The following ASPRV1 variants were observed in gnomAD, a reference collection of about 807,000 sequenced individuals.
The protein encoded by ASPRV1 is aspartic peptidase retroviral like 1.
In ASPRV1, 7 loss-of-function variants were observed where a neutral mutation model predicts 11.0. That is an observed-to-expected ratio of 0.64 (90% CI 0.36 to 1.20). The LOEUF is 1.20. ASPRV1 is among the 50% of genes most tolerant of loss of function. The pLI is 0.02. For synonymous variants in ASPRV1, 136 were observed against 138.4 expected, an observed-to-expected ratio of 0.98 and a Z score of 0.12; for missense variants, 299 against 320.0, an observed-to-expected ratio of 0.93 and a Z score of 0.50.
the ASPRV1 span, chr2:69,996,593 C>T: frequency 2.5e-6 from 1 of 407,968 alleles, no homozygotes. Context: ...TTCATTCCTT[C>T]AGGAATGCAA....
At chr2:70,086,519 C>T in the ASPRV1 span, 1 of 152,200 alleles carries the variant, frequency 6.6e-6, no homozygotes, top group African/African-American at 2.4e-5. Context: ...ACGGGGCCGC[C>T]CCCCTTGAGC....
chr2:70,014,796 CAAAAAAAAA>C, the ASPRV1 span, among the ~76,000 whole-genome samples: 4 of 74,050 alleles, frequency 5.4e-5, no homozygotes, highest in African/African-American at 1.8e-4. Context: ...GACCTTGTCT[CAAAAAAAAA>C]AAAAAAAAAA....
At chr2:70,084,440 T>C in the ASPRV1 span, among the ~76,000 whole-genome samples, 12 of 152,302 alleles carry the variant, frequency 7.9e-5, no homozygotes, top group Middle Eastern at 3.4e-3. Flanking sequence ...TGGACTCAGA[T>C]TGCCTAAATT....
the ASPRV1 span, among the ~76,000 whole-genome samples, chr2:70,047,059 C>T: frequency 6.6e-6 from 1 of 152,086 alleles, no homozygotes; most frequent in Non-Finnish European, 1.5e-5. Flanking sequence ...GCAAGGAAAA[C>T]CAAGAGTTTG....
the ASPRV1 span, chr2:69,968,398 C>T: frequency 7.9e-5 from 12 of 152,024 alleles, no homozygotes; most frequent in African/African-American, 2.7e-4. Flanking sequence ...GTGGCACATG[C>T]CTGTAGTCCC....
At chr2:70,010,132 A>G in the ASPRV1 span, among the ~76,000 whole-genome samples, 3 of 152,170 alleles carry the variant, frequency 2.0e-5, no homozygotes, top group Non-Finnish European at 4.4e-5. Context: ...CAGGAGAGTC[A>G]CACACCCTGG....
chr2:69,992,288 G>A, the ASPRV1 span, among the ~76,000 whole-genome samples: 1 of 152,138 alleles, frequency 6.6e-6, no homozygotes, highest in African/African-American at 2.4e-5. Flanking sequence ...CCATCCTCTT[G>A]CTCCAAACAG....
chr2:70,023,155 A>T, the ASPRV1 span, among the ~76,000 whole-genome samples: 4 of 152,354 alleles, frequency 2.6e-5, no homozygotes, highest in Non-Finnish European at 5.9e-5. Flanking sequence ...TAGTCCCGCC[A>T]GAACAGGCTG....
the ASPRV1 span, among the ~76,000 whole-genome samples, chr2:69,948,164 T>C: frequency 6.6e-6 from 1 of 151,702 alleles, no homozygotes; most frequent in Non-Finnish European, 1.5e-5. Flanking sequence ...GGAGAATTGC[T>C]TGAGCCCAGG....
the ASPRV1 span, chr2:69,975,470 T>C: frequency 6.6e-6 from 1 of 152,044 alleles, no homozygotes; most frequent in Non-Finnish European, 1.5e-5. Flanking sequence ...AACTGGTAAG[T>C]TTGGAAAGCA....
At chr2:70,078,393 A>G in the ASPRV1 span, among the ~76,000 whole-genome samples, 1 of 152,244 alleles carries the variant, frequency 6.6e-6, no homozygotes, top group Non-Finnish European at 1.5e-5. Context: ...TGAATAAACA[A>G]TATGTCAAAT....
chr2:70,051,821 T>A, the ASPRV1 span, among the ~76,000 whole-genome samples: 2 of 151,866 alleles, frequency 1.3e-5, no homozygotes, highest in Non-Finnish European at 2.9e-5. Flanking sequence ...AAAAAAATTT[T>A]AAAAATAGCT....
At chr2:70,083,174 G>A in the ASPRV1 span, among the ~76,000 whole-genome samples, 1 of 152,198 alleles carries the variant, frequency 6.6e-6, no homozygotes, top group African/African-American at 2.4e-5. Flanking sequence ...TTAAGGTAAA[G>A]CTATCCCACA....
the ASPRV1 span, among the ~76,000 whole-genome samples, chr2:70,001,246 T>C: frequency 3.9e-5 from 6 of 152,278 alleles, no homozygotes; most frequent in South Asian, 1.2e-3. Flanking sequence ...TTTCTGAAAC[T>C]GACATAAAGA....
At chr2:70,080,011 G>GT in the ASPRV1 span, among the ~76,000 whole-genome samples, 2 of 152,184 alleles carry the variant, frequency 1.3e-5, no homozygotes, top group African/African-American at 2.4e-5. Context: ...CTTGTGCTTA[G>GT]TAAGTGGGAT....
the ASPRV1 span, among the ~76,000 whole-genome samples, chr2:69,947,001 A>C: frequency 6.6e-6 from 1 of 152,220 alleles, no homozygotes; most frequent in Non-Finnish European, 1.5e-5. Flanking sequence ...TCATCAGAAG[A>C]GGCCAAATGA....
At chr2:70,057,566 C>T in the ASPRV1 span, among the ~76,000 whole-genome samples, 1 of 151,708 alleles carries the variant, frequency 6.6e-6, no homozygotes, top group Non-Finnish European at 1.5e-5. Flanking sequence ...GCAACCTCCG[C>T]CTCCCAGGTT....
At chr2:69,948,842 C>A in the ASPRV1 span, among the ~76,000 whole-genome samples, 1 of 152,160 alleles carries the variant, frequency 6.6e-6, no homozygotes, top group Non-Finnish European at 1.5e-5. Context: ...AGCACTCAGG[C>A]CTCCCCCGCG....
At chr2:70,023,410 G>A in the ASPRV1 span, among the ~76,000 whole-genome samples, 121 of 152,288 alleles carry the variant, frequency 7.9e-4, no homozygotes, top group Admixed American at 2.4e-3. Flanking sequence ...GTGACCTCCC[G>A]GCTGTAGCCC....
Sources: gnomAD v4.1 joint callset for allele counts (sites outside exome capture counted in the v4.1 genomes callset) on GRCh38, gnomAD v4.1.1 for gene constraint, MANE v1.5 for transcripts, NCBI Gene and HGNC (gene_info 2026-07-23, HGNC 2026-07-21) for gene names.